The following DCC variants were observed in gnomAD, a reference collection of about 807,000 sequenced individuals.
The protein encoded by DCC is netrin receptor DCC.
A neutral mutation model predicts 172.5 loss-of-function variants in DCC; 58 were observed. The observed-to-expected ratio is 0.34, with a 90% CI of 0.27 to 0.42. The LOEUF (loss-of-function observed/expected upper bound fraction) is 0.42. Among genes scored for constraint, DCC ranks in the 10% least tolerant of loss-of-function variants. DCC has a pLI of 1.00. For synonymous variants in DCC, 709 were observed against 644.5 expected, an observed-to-expected ratio of 1.10 and a Z score of -1.52; for missense variants, 1,740 against 1,791.0, an observed-to-expected ratio of 0.97 and a Z score of 0.51.
chr18:52,916,221 T>C (rs1388479644), intron 3 of DCC, among the ~76,000 whole-genome samples: 1 of 139,070 alleles, frequency 7.2e-6, no homozygotes, highest in Non-Finnish European at 1.6e-5. Flanking sequence ...TTTTTTTTTT[T>C]TTCTTCATGA....
At chr18:53,462,183 C>G (rs150657801) in intron 24 of DCC, among the ~76,000 whole-genome samples, 225 of 152,248 alleles carry the variant, frequency 1.5e-3, no homozygotes, top group African/African-American at 5.0e-3. Flanking sequence ...TTATTTATGG[C>G]AGGGGTACTC....
chr18:53,204,757 G>A (rs557726200), intron 9 of DCC, among the ~76,000 whole-genome samples: 2 of 152,146 alleles, frequency 1.3e-5, no homozygotes, highest in Non-Finnish European at 2.9e-5. Context: ...GAAAGACAAT[G>A]TGGTAAATTA....
At chr18:53,364,594 A>C (rs2057982143) in intron 15 of DCC, among the ~76,000 whole-genome samples, 1 of 152,188 alleles carries the variant, frequency 6.6e-6, no homozygotes, top group Admixed American at 6.5e-5. Flanking sequence ...AAACTTAATG[A>C]AAATAAAAAT....
chr18:53,295,846 C>T (rs2057060940), intron 12 of DCC, among the ~76,000 whole-genome samples: 1 of 152,126 alleles, frequency 6.6e-6, no homozygotes, highest in African/African-American at 2.4e-5. Flanking sequence ...TTCTTGATGA[C>T]TTGTCCTCCT....
At chr18:53,326,710 C>T (rs989673129) in intron 14 of DCC, among the ~76,000 whole-genome samples, 8 of 152,088 alleles carry the variant, frequency 5.3e-5, no homozygotes, top group African/African-American at 1.9e-4. Flanking sequence ...CCAAAAGTTT[C>T]TTGGCTAATG....
intron 1 of DCC, among the ~76,000 whole-genome samples, chr18:52,692,127 G>A (rs1442817604): frequency 6.6e-6 from 1 of 152,154 alleles, no homozygotes; most frequent in African/African-American, 2.4e-5. Flanking sequence ...TCAGGGTTGG[G>A]AGGAGGGAAA....
Position 53,448,047 on chromosome 18 carries a change from G to GTTTTTTTTTTTTTTTTTTTTT in DCC, c.3230-2450_3230-2430dup, listed in dbSNP as rs35238619. Reference sequence around the variant, plus strand: ...CTATAATTTATTTAAATTTTGATGAGTTTTTTTTTTTTTTTTTTTTTTTAC... The same window carrying GTTTTTTTTTTTTTTTTTTTTT: ...CTATAATTTATTTAAATTTTGATGAGTTTTTTTTTTTTTTTTTTTTTTTTTTTTTTTTTTTTTTTTTTTTAC... On this transcript the variant is annotated intron_variant, in intron 22 of 28. Transcript: ENST00000442544. Among the ~76,000 whole-genome samples, 3 of 113,756 alleles carry GTTTTTTTTTTTTTTTTTTTTT rather than the reference G, an allele frequency of 2.6e-5. 1 individual carries two copies. Among genetic ancestry groups the GTTTTTTTTTTTTTTTTTTTTT allele is most frequent in the African/African-American group, 6.7e-5 (2 of 29,752 alleles). 74.6% of individuals were successfully genotyped at this position (113,756 alleles called of 152,430 possible).
chr18:53,179,575 G>A (rs889004623), intron 9 of DCC, among the ~76,000 whole-genome samples: 5 of 152,076 alleles, frequency 3.3e-5, no homozygotes, highest in South Asian at 2.1e-4. Flanking sequence ...CCTACTAAAA[G>A]CAAATTGAGA....
At chr18:53,050,587 G>T (rs938920655) in intron 5 of DCC, among the ~76,000 whole-genome samples, 3 of 152,016 alleles carry the variant, frequency 2.0e-5, no homozygotes, top group Non-Finnish European at 2.9e-5. Flanking sequence ...GATGTTGTTG[G>T]TATATAGGAA....
chr18:53,264,311 AC>A (rs935844862), intron 12 of DCC, among the ~76,000 whole-genome samples: 4 of 151,770 alleles, frequency 2.6e-5, no homozygotes, highest in Non-Finnish European at 5.9e-5. Context: ...ACATCGTAAA[AC>A]CCCATTTCCA....
chr18:52,966,112 T>C (rs2040925625), intron 5 of DCC, among the ~76,000 whole-genome samples: 1 of 152,160 alleles, frequency 6.6e-6, no homozygotes, highest in African/African-American at 2.4e-5. Context: ...CCATAGATCA[T>C]TTCCCATAGT....
At position 52,457,348 on chromosome 18, in the gene DCC, A is replaced by G. The variant is rs528879396; in HGVS notation, c.91+116470A>G. Among the ~76,000 whole-genome samples the G allele has an allele frequency of 2.6e-5, 4 of 152,338 alleles. No homozygotes were observed. The South Asian group carries it at 8.3e-4, about 32-fold the overall frequency. On this transcript the variant is annotated intron_variant, in intron 1 of 28. Coordinates refer to ENST00000442544, the MANE Select transcript of DCC (RefSeq NM_005215.4). ...GTTTTGGAGTTTATTATTCAGTATT[A>G]TTTGAGGTAGGAGTGCACAGAAAAT...
intron 2 of DCC, among the ~76,000 whole-genome samples, chr18:52,884,683 C>A (rs137994658): frequency 1.2e-4 from 18 of 152,286 alleles, no homozygotes; most frequent in African/African-American, 4.3e-4. Context: ...TCTGTTTCTG[C>A]AGAATTGATC....
At chr18:53,214,708 A>G (rs1293816188) in intron 11 of DCC, among the ~76,000 whole-genome samples, 1 of 152,130 alleles carries the variant, frequency 6.6e-6, no homozygotes, top group Non-Finnish European at 1.5e-5. Flanking sequence ...TGGGGCAAAA[A>G]GCTTTATTTC....
At chr18:53,158,580 G>A (rs1226857967) in intron 8 of DCC, among the ~76,000 whole-genome samples, 1 of 152,188 alleles carries the variant, frequency 6.6e-6, no homozygotes, top group Non-Finnish European at 1.5e-5. Context: ...CTCAGGTGGT[G>A]CAGTACAGCT....
chr18:52,416,086 T>C (rs1278108972), intron 1 of DCC, among the ~76,000 whole-genome samples: 3 of 152,206 alleles, frequency 2.0e-5, no homozygotes, highest in African/African-American at 7.2e-5. Context: ...TTGTTCTCGT[T>C]GGTTTCAAAG....
intron 24 of DCC, among the ~76,000 whole-genome samples, chr18:53,465,937 T>C (rs2045615083): frequency 6.6e-6 from 1 of 152,134 alleles, no homozygotes; most frequent in African/African-American, 2.4e-5. Context: ...GCTAATTTTT[T>C]GTATTTTTAG....
chr18:52,371,156 T>A (rs1469525824), intron 1 of DCC, among the ~76,000 whole-genome samples: 1 of 150,664 alleles, frequency 6.6e-6, no homozygotes, highest in Non-Finnish European at 1.5e-5. Flanking sequence ...TTGGCTGATT[T>A]AAAAAAAAAA....
chr18:53,207,692 A>G lies in DCC; in HGVS notation c.1736A>G (p.Asp579Gly), dbSNP rs2055674937. 1 of 1,613,562 alleles carries G rather than the reference A, an allele frequency of 6.2e-7. No individual in the cohort carries two copies. The highest frequency in any genetic ancestry group is 1.1e-5 in the South Asian group (1 of 91,078). ...STGKEQNIEV[D>G]GLSYKLEGLK... ...TTATGTCTCCAGAATATAGAGGTTG[A>G]TGGACTATCTTATAAACTGGAAGGC... The change falls in exon 11 of 29, where the codon GAT (aspartate) becomes GGT (glycine). Residue 579 changes from aspartate to glycine, a missense_variant. Asp to Gly is a moderately conservative substitution (Grantham distance 94). Around this residue, in one of 2 missense-constraint regions of DCC, gnomAD observed 1,732 missense variants for 1,767.4 expected, o/e 0.98. Coordinates refer to ENST00000442544, the MANE Select transcript of DCC (RefSeq NM_005215.4).
Sources: allele counts gnomAD v4.1 joint callset (sites outside exome capture counted in the v4.1 genomes callset), GRCh38; gene constraint gnomAD v4.1.1; regional missense constraint gnomAD v4.1.1; transcripts MANE v1.5; gene names NCBI Gene and HGNC (gene_info 2026-07-23, HGNC 2026-07-21).